The following SMAD2 variants were observed in gnomAD, a reference collection of about 807,000 sequenced individuals.
SMAD2 encodes the protein MAD homolog 2.
SMAD2 carries 8 observed loss-of-function variants against 64.4 expected under a neutral mutation model. The observed-to-expected ratio is 0.12, with a 90% CI of 0.07 to 0.22. SMAD2 has a LOEUF of 0.22. Among genes scored for constraint, SMAD2 ranks in the 10% least tolerant of loss-of-function variants. The pLI is 1.00. For synonymous variants in SMAD2, 203 were observed against 195.8 expected, an observed-to-expected ratio of 1.04 and a Z score of -0.31; for missense variants, 289 against 561.2, an observed-to-expected ratio of 0.51 and a Z score of 4.90.
intron 1 of SMAD2, among the ~76,000 whole-genome samples, chr18:47,927,461 C>A (rs2034811131): frequency 1.3e-5 from 2 of 152,208 alleles, no homozygotes; most frequent in South Asian, 4.1e-4. Context: ...GAGAATAGGG[C>A]AAGGGACATG....
chr18:47,905,137 C>T (rs982948069), intron 1 of SMAD2, among the ~76,000 whole-genome samples: 2 of 152,146 alleles, frequency 1.3e-5, no homozygotes, highest in Non-Finnish European at 2.9e-5. Flanking sequence ...AATCTACTTA[C>T]TGGAACTAGT....
At chr18:47,843,008 A>G (rs748016862) in intron 10 of SMAD2, among the ~76,000 whole-genome samples, 1 of 152,194 alleles carries the variant, frequency 6.6e-6, no homozygotes, top group Non-Finnish European at 1.5e-5. Context: ...TCCAAGCAAC[A>G]CATGTTCAAT....
intron 7 of SMAD2, among the ~76,000 whole-genome samples, chr18:47,850,347 A>G (rs1313805971): frequency 4.6e-5 from 2 of 43,164 alleles, no homozygotes; most frequent in African/African-American, 2.1e-4. Flanking sequence ...TGTTATATAT[A>G]TTATACATAA....
At position 47,836,292 on chromosome 18, in the gene SMAD2, A is replaced by G; in HGVS notation, c.*5535T>C. On this transcript the variant is annotated 3_prime_UTR_variant, in exon 11 of 11. Coordinates refer to ENST00000262160, the MANE Select transcript of SMAD2 (RefSeq NM_005901.6). The stretch of plus-strand genomic sequence containing the variant: ...GCAATCTAGTATTATCAACAACAAC[A>G]AAGTTAACCCTAAGTTAGTACATCC... The G allele has an allele frequency of 4.5e-6, 1 of 224,022 alleles. No individual in the cohort carries two copies. Among genetic ancestry groups the G allele is most frequent in the African/African-American group, 2.2e-5 (1 of 44,920 alleles). 13.9% of individuals were successfully genotyped at this position (224,022 alleles called of 1,614,324 possible).
intron 6 of SMAD2, among the ~76,000 whole-genome samples, chr18:47,852,268 T>C (rs112176274): frequency 0.019 from 2,852 of 152,274 alleles, 83 homozygotes; most frequent in African/African-American, 0.064. Flanking sequence ...TTTGATCATG[T>C]AGCACTAAAA....
Position 47,837,835 on chromosome 18 carries a change from G to T in SMAD2, c.*3992C>A. On this transcript the variant is annotated 3_prime_UTR_variant, in exon 11 of 11. Transcript: ENST00000262160. ...GGTGGGCAGGGGCTTGGGAGGGAAG[G>T]CGCAAATTGGAATGTTCAGCTTTTA... 1 of 232,846 alleles carries T rather than the reference G, an allele frequency of 4.3e-6. No individual in the cohort carries two copies. The allele number at this position is 232,846 out of a possible 1,614,324, so 14.4% of individuals were successfully genotyped here.
At position 47,813,212 on chromosome 18, in the gene SMAD2, AAAATAACT is replaced by A. The variant is rs1163183069; in HGVS notation, c.*28607_*28614del. On this transcript the variant is annotated 3_prime_UTR_variant, in exon 11 of 11. Transcript: ENST00000262160. Reference sequence around the variant, plus strand: ...GCCTGAGTGATGAAACTTGGTCTCAAAAATAACTAAATAACTAAATAAAATAAACTGGG... The same window carrying A: ...GCCTGAGTGATGAAACTTGGTCTCAAAAATAACTAAATAAAATAAACTGGG... 1.3e-5 allele frequency: 2 copies of A among 152,204 alleles called. No individual in the cohort carries two copies. Among genetic ancestry groups the A allele is most frequent in the South Asian group, 4.2e-4 (2 of 4,810 alleles). 9.4% of individuals were successfully genotyped at this position (152,204 alleles called of 1,614,324 possible).
At chr18:47,872,006 T>C (rs951486863) in intron 2 of SMAD2, among the ~76,000 whole-genome samples, 1 of 152,190 alleles carries the variant, frequency 6.6e-6, no homozygotes, top group African/African-American at 2.4e-5. Flanking sequence ...GGGACTCACA[T>C]GAGAACCAGA....
chr18:47,890,492 A>G (rs2033139467), intron 2 of SMAD2, among the ~76,000 whole-genome samples: 1 of 152,236 alleles, frequency 6.6e-6, no homozygotes, highest in Admixed American at 6.5e-5. Flanking sequence ...GAATATCTGA[A>G]TATTTCCAAT....
At chr18:47,922,692 C>T (rs1386724448) in intron 1 of SMAD2, 1 of 152,118 alleles carries the variant, frequency 6.6e-6, no homozygotes, top group African/African-American at 2.4e-5. Flanking sequence ...CATCAATGAC[C>T]TGGAATTGTA....
intron 1 of SMAD2, among the ~76,000 whole-genome samples, chr18:47,927,140 T>C (rs554482257): frequency 6.6e-6 from 1 of 152,322 alleles, no homozygotes; most frequent in Non-Finnish European, 1.5e-5. Context: ...CCAGCTTCTG[T>C]AATTAAAGGG....
rs1912926430 is a variant in SMAD2, at chr18:47,830,029, C to T, written c.*11798G>A. 6.6e-6 allele frequency: 1 copy of T among 152,264 alleles called. No homozygotes were observed. Among genetic ancestry groups the T allele is most frequent in the East Asian group, 1.9e-4 (1 of 5,186 alleles). 9.4% of individuals were successfully genotyped at this position (152,264 alleles called of 1,614,324 possible). A position where few individuals can be genotyped will look rare whatever the true frequency, so the allele number is the denominator to read the frequency against. On this transcript the variant is annotated 3_prime_UTR_variant, in exon 11 of 11. Transcript: ENST00000262160. ...GCAAGAATCCACAGTGGTTTGCAGG[C>T]CACTAATTCTTTTACAGATGAAAGC...
At chr18:47,872,582 GAC>G (rs1253377375) in intron 2 of SMAD2, among the ~76,000 whole-genome samples, 1 of 152,128 alleles carries the variant, frequency 6.6e-6, no homozygotes, top group Non-Finnish European at 1.5e-5. Flanking sequence ...TAGGAACCAG[GAC>G]ACACAGCAGA....
rs59129117 is a variant in SMAD2 at position 47,837,561 on chromosome 18, C to CA, written c.*4265dup. 71,576 of 153,372 alleles carry CA rather than the reference C, an allele frequency of 0.47. 14,014 individuals carry two copies. The highest frequency in any genetic ancestry group is 0.62 in the South Asian group (1,905 of 3,086). 9.5% of individuals were successfully genotyped at this position (153,372 alleles called of 1,614,324 possible). A position where few individuals can be genotyped will look rare whatever the true frequency, so the allele number is the denominator to read the frequency against. On this transcript the variant is annotated 3_prime_UTR_variant, in exon 11 of 11. Coordinates refer to ENST00000262160, the MANE Select transcript of SMAD2 (RefSeq NM_005901.6). ...TGGGCAACAGAGCGAGACTCCCTCT[C>CA]AAAAAAAAAAAAAAAAAACAAAAAA... is the stretch of plus-strand genomic sequence containing the variant.
Position 47,821,675 on chromosome 18 carries a change from C to T in SMAD2, c.*20152G>A, listed in dbSNP as rs2144237116. 6.6e-6 allele frequency: 1 copy of T among 152,298 alleles called. No homozygotes were observed. The highest frequency in any genetic ancestry group is 2.1e-4 in the South Asian group (1 of 4,828). The allele number at this position is 152,298 out of a possible 1,614,324, so 9.4% of individuals were successfully genotyped here. On this transcript the variant is annotated 3_prime_UTR_variant, in exon 11 of 11. Transcript: ENST00000262160. Reference sequence around the variant, plus strand: ...GGCTTCCCATAAGTAAAGGCAGTCACACTGCAAGAGATTTTTCTTTACCAT... The same window carrying T: ...GGCTTCCCATAAGTAAAGGCAGTCATACTGCAAGAGATTTTTCTTTACCAT...
In SMAD2 at chr18:47,907,643, G is replaced by A. The variant is rs143405574; in HGVS notation, c.-53-10834C>T. On this transcript the variant is annotated intron_variant, in intron 1 of 10. Coordinates refer to ENST00000262160, the MANE Select transcript of SMAD2 (RefSeq NM_005901.6). The stretch of plus-strand genomic sequence containing the variant: ...TATCTTGAGAGGTAATCACACATGA[G>A]TACAAGTTACCAAAACTCACAGAAC... 4.5e-3 allele frequency among the ~76,000 whole-genome samples: 679 copies of A among 152,246 alleles called. 5 individuals carry two copies. The highest frequency in any genetic ancestry group is 0.016 in the African/African-American group (649 of 41,526).
intron 1 of SMAD2, among the ~76,000 whole-genome samples, chr18:47,910,862 A>G (rs1342580960): frequency 1.3e-5 from 2 of 152,212 alleles, no homozygotes; most frequent in African/African-American, 2.4e-5. Context: ...TAGGAGAGTC[A>G]AAAGTTATAC....
chr18:47,829,595 G>A lies in SMAD2; in HGVS notation c.*12232C>T, dbSNP rs1912908632. ...AATCAATTAGGTATTCTAAAAGAAG[G>A]CAGTTTTCTAGGGGTTTATTTAATT... On this transcript the variant is annotated 3_prime_UTR_variant, in exon 11 of 11. Coordinates refer to ENST00000262160, the MANE Select transcript of SMAD2 (RefSeq NM_005901.6). The A allele has an allele frequency of 7.0e-6, 1 of 143,846 alleles. No individual in the cohort carries two copies. Among genetic ancestry groups the A allele is most frequent in the Admixed American group, 7.2e-5 (1 of 13,878 alleles). The allele number at this position is 143,846 out of a possible 1,614,324, so 8.9% of individuals were successfully genotyped here.
In SMAD2 at chr18:47,896,521, C is replaced by T. The variant is rs2033445825; in HGVS notation, c.236G>A (p.Ser79Asn). The T allele has an allele frequency of 6.2e-7, 1 of 1,613,942 alleles. No homozygotes were observed. The highest frequency in any genetic ancestry group is 1.7e-5 in the Admixed American group (1 of 59,988). ...AAACCTGGGATCTAACAAAACTTAC[C>T]TTGGTATGGTAACACATTTAGTATT... ...NCNTKCVTIP[S>N]TCSEIWGLST... The change falls in exon 2 of 11, where the codon AGC (serine) becomes AAC (asparagine). Residue 79 changes from serine (S) to asparagine (N), a missense_variant and splice_region_variant. This residue lies in a region of SMAD2 where 89 missense variants were observed against 137.1 expected (regional missense o/e 0.65). Coordinates refer to ENST00000262160, the MANE Select transcript of SMAD2 (RefSeq NM_005901.6).
Sources: gnomAD v4.1 joint callset for allele counts (sites outside exome capture counted in the v4.1 genomes callset) on GRCh38, gnomAD v4.1.1 for gene constraint, gnomAD v4.1.1 regional missense constraint, MANE v1.5 for transcripts, NCBI Gene and HGNC (gene_info 2026-07-23, HGNC 2026-07-21) for gene names.